Variants in ZDHHC24 observed in about 807,000 individuals in gnomAD.
The protein encoded by ZDHHC24 is probable palmitoyltransferase ZDHHC24.
In ZDHHC24, 17 loss-of-function variants were observed where a neutral mutation model predicts 23.2. That is an observed-to-expected ratio of 0.73 (90% CI 0.50 to 1.10). The LOEUF is 1.10. ZDHHC24 is among the 50% of genes least tolerant of loss of function. ZDHHC24 has a pLI of 0.00. For synonymous variants in ZDHHC24, 186 were observed against 194.5 expected, an observed-to-expected ratio of 0.96 and a Z score of 0.36; for missense variants, 366 against 393.0, an observed-to-expected ratio of 0.93 and a Z score of 0.58.
In ZDHHC24 at chr11:66,536,290, C is replaced by G. The variant is rs1311510484; in HGVS notation, c.*3239G>C. On this transcript the variant is annotated 3_prime_UTR_variant, in exon 3 of 3. Transcript: ENST00000310442. Reference sequence around the variant, plus strand: ...ACAACAACGAGTCCAGGCATGGTGGCTCACACCTGTAATCCCAGCACTTTG... The same window carrying G: ...ACAACAACGAGTCCAGGCATGGTGGGTCACACCTGTAATCCCAGCACTTTG... 6.6e-6 allele frequency: 1 copy of G among 152,476 alleles called. No individual in the cohort carries two copies. The highest frequency in any genetic ancestry group is 1.5e-5 in the Non-Finnish European group (1 of 68,234). The allele number at this position is 152,476 out of a possible 1,614,324, so 9.4% of individuals were successfully genotyped here. A position where few individuals can be genotyped will look rare whatever the true frequency, so the allele number is the denominator to read the frequency against.
intron 3 of ZDHHC24, chr11:66,529,065 T>C: frequency 4.1e-6 from 4 of 982,702 alleles, no homozygotes; most frequent in Non-Finnish European, 4.8e-6. Flanking sequence ...ATTGTAAAAG[T>C]ACTAGAGAAA....
intron 4 of ZDHHC24, chr11:66,523,000 A>C (rs758327679): frequency 5.3e-6 from 2 of 380,468 alleles, no homozygotes; most frequent in Non-Finnish European, 1.0e-5. Context: ...ATAGAGAGGA[A>C]CTAACTGTAC....
rs1391757219 is a variant in ZDHHC24 at position 66,539,176 on chromosome 11, G to C, written c.*353C>G. The C allele has an allele frequency of 1.0e-6, 1 of 1,000,456 alleles. No individual in the cohort carries two copies. The highest frequency in any genetic ancestry group is 1.7e-5 in the African/African-American group (1 of 58,146). 62.0% of individuals were successfully genotyped at this position (1,000,456 alleles called of 1,614,324 possible). ...CCCTGAGACCCTCAGGCATCCTGCA[G>C]TTTCCAGGCCCTACAGAGGGTCCCA... On this transcript the variant is annotated 3_prime_UTR_variant, in exon 3 of 3. Coordinates refer to ENST00000310442, the MANE Select transcript of ZDHHC24 (RefSeq NM_207340.3).
chr11:66,539,930 A>G (rs1857100925), intron 2 of ZDHHC24, 106 bp from the exon 3 acceptor site: 2 of 1,188,546 alleles, frequency 1.7e-6, no homozygotes, highest in East Asian at 5.7e-5. Context: ...CGCTCAGCAA[A>G]CCCTGTGTCG....
downstream of ZDHHC24, chr11:66,531,110 G>A: frequency 6.4e-7 from 1 of 1,574,704 alleles, no homozygotes; most frequent in Non-Finnish European, 8.6e-7. Flanking sequence ...GCCCCGCCAG[G>A]TCAGGGTCAG....
rs764280506 is a variant in ZDHHC24, at chr11:66,545,886, C to A, written c.118G>T (p.Gly40Cys). The change falls in exon 1 of 3, where the codon GGT (glycine) becomes TGT (cysteine). Residue 40 changes from glycine to cysteine, a missense_variant. Transcript: ENST00000310442. The surrounding 1 kb of genome is among the most constrained non-coding windows in gnomAD (Gnocchi z 4.5). ...GGTCCCAGCGGCGGCGGCCCGGGACCGAGCACCAGCACGTAAGCCAGCTCC... is the reference window on the plus strand; with the variant it reads ...GGTCCCAGCGGCGGCGGCCCGGGACAGAGCACCAGCACGTAAGCCAGCTCC... ...GLELAYVLVL[G>C]PGPPPLGPLA... 8 of 1,543,954 alleles carry A rather than the reference C, an allele frequency of 5.2e-6. No homozygotes were observed. Among genetic ancestry groups the A allele is most frequent in the South Asian group, 3.5e-5 (3 of 85,072 alleles).
In ZDHHC24 at chr11:66,539,624, CCCA is replaced by C; in HGVS notation, c.757_759del (p.Trp253del). ...AGGAAGGGCCAGAGCCAGACGAGGGCCCAGCGGGGCCCCAGGGCTGCCTGCAGG... is the reference window on the plus strand; with the variant it reads ...AGGAAGGGCCAGAGCCAGACGAGGGCGCGGGGCCCCAGGGCTGCCTGCAGG... On this transcript the variant is annotated inframe_deletion, in exon 3 of 3. Transcript: ENST00000310442. 1 of 1,612,800 alleles carries C rather than the reference CCCA, an allele frequency of 6.2e-7. No homozygotes were observed. The highest frequency in any genetic ancestry group is 8.5e-7 in the Non-Finnish European group (1 of 1,179,650).
Position 66,539,785 on chromosome 11 carries a change from G to A in ZDHHC24, c.599C>T (p.Thr200Met), listed in dbSNP as rs772372869. The change falls in exon 3 of 3, where the codon ACG (threonine) becomes ATG (methionine). Residue 200 changes from threonine (T) to methionine (M), a missense_variant. Thr to Met is a moderately conservative substitution (Grantham distance 81, BLOSUM62 -1). Transcript: ENST00000310442. The part of the protein sequence containing the change: ...SLAQFALAFV[T>M]DTCVAGALLC... ...CAGCGCACCCGCCACGCACGTGTCC[G>A]TCACGAAGGCCAAGGCAAACTGTGC... The A allele has an allele frequency of 1.8e-5, 29 of 1,611,174 alleles. No homozygotes were observed. Among genetic ancestry groups the A allele is most frequent in the South Asian group, 4.4e-5 (4 of 90,828 alleles).
downstream of ZDHHC24, chr11:66,530,873 C>T (rs750291189): frequency 4.6e-5 from 75 of 1,613,992 alleles, 1 homozygote; most frequent in Admixed American, 1.8e-4. Context: ...TAAGGGCTTT[C>T]TCCACCCACC....
intron 4 of ZDHHC24, chr11:66,523,333 G>A: frequency 1.5e-6 from 2 of 1,358,262 alleles, no homozygotes; most frequent in Non-Finnish European, 2.1e-6. Context: ...ATAATCCCAG[G>A]GTCATCTGCT....
downstream of ZDHHC24, chr11:66,533,658 T>A (rs1170666310): frequency 6.6e-6 from 1 of 152,256 alleles, no homozygotes; most frequent in Non-Finnish European, 1.5e-5. Context: ...TGTTTTCTGA[T>A]GGACTGATTG....
In ZDHHC24 at chr11:66,545,346, C is replaced by A. The variant is rs1367033017; in HGVS notation, c.281+377G>T. On this transcript the variant is annotated intron_variant, in intron 1 of 2. Coordinates refer to ENST00000310442, the MANE Select transcript of ZDHHC24 (RefSeq NM_207340.3). This position sits in a 1 kb window ranked among gnomAD's most constrained non-coding sequence, Gnocchi z 4.5. Reference sequence around the variant, plus strand: ...GAGCCAACGCACCCGGCCTAACCACCTATTTAATATTGAAACTTGCAACCC... The same window carrying A: ...GAGCCAACGCACCCGGCCTAACCACATATTTAATATTGAAACTTGCAACCC... 2.0e-5 allele frequency among the ~76,000 whole-genome samples: 3 copies of A among 152,176 alleles called. No individual in the cohort carries two copies. The highest frequency in any genetic ancestry group is 6.5e-5 in the Admixed American group (1 of 15,280).
At chr11:66,539,861 G>C in intron 2 of ZDHHC24, 37 bp from the exon 3 acceptor site, 1 of 1,511,378 alleles carries the variant, frequency 6.6e-7, no homozygotes, top group African/African-American at 1.4e-5. Context: ...GGGAGGGGCA[G>C]TGGGGTCCGG....
At chr11:66,539,948 C>T (rs750006514) in intron 2 of ZDHHC24, 124 bp from the exon 3 acceptor site, 7 of 994,014 alleles carry the variant, frequency 7.0e-6, no homozygotes, top group South Asian at 1.9e-5. Flanking sequence ...TCGATACTCG[C>T]TGGCCAGCCC....
intron 2 of ZDHHC24, among the ~76,000 whole-genome samples, chr11:66,541,437 C>T (rs1857148864): frequency 6.6e-6 from 1 of 151,664 alleles, no homozygotes; most frequent in South Asian, 2.1e-4. Flanking sequence ...GTTTGAAGGT[C>T]CTGAGGCAGG....
At chr11:66,541,875 C>T (rs937730915) in intron 2 of ZDHHC24, among the ~76,000 whole-genome samples, 20 of 151,908 alleles carry the variant, frequency 1.3e-4, no homozygotes, top group African/African-American at 4.6e-4. Flanking sequence ...AATGAGCAGC[C>T]ATGAGCCTGG....
rs1271245314 is a variant in ZDHHC24, at chr11:66,529,875, G to A, written c.560-387C>T. 7 of 1,609,886 alleles carry A rather than the reference G, an allele frequency of 4.3e-6. No homozygotes were observed. The highest frequency in any genetic ancestry group is 3.3e-5 in the South Asian group (3 of 91,068). On this transcript the variant is annotated intron_variant, in intron 2 of 4. Coordinates refer to the ZDHHC24 transcript ENST00000526986. The stretch of plus-strand genomic sequence containing the variant: ...CCTGCTGCGCCTACGTGCTGCCCGC[G>A]CCTACCTGCAGGCCCTCGAGTCCAG...
chr11:66,530,823 G>A (rs150040223), downstream of ZDHHC24: 4,451 of 1,601,064 alleles, frequency 2.8e-3, 8 homozygotes, highest in Middle Eastern at 5.5e-3. Flanking sequence ...TGGAAGGCAG[G>A]CAGAGCACAC....
At chr11:66,531,394 A>G (rs1045473476), downstream of ZDHHC24, among the ~76,000 whole-genome samples, 5 of 152,106 alleles carry the variant, frequency 3.3e-5, no homozygotes, top group African/African-American at 1.2e-4. Context: ...AGTTGGGAGG[A>G]CCAGAAAATG....
Sources: allele counts gnomAD v4.1 joint callset (sites outside exome capture counted in the v4.1 genomes callset), GRCh38; gene constraint gnomAD v4.1.1; non-coding constraint Gnocchi (gnomAD v3.1); transcripts MANE v1.5; gene names NCBI Gene and HGNC (gene_info 2026-07-23, HGNC 2026-07-21).